Variants in ZSCAN23 observed in about 807,000 individuals in gnomAD.
The protein encoded by ZSCAN23 is zinc finger and SCAN domain-containing protein 23.
A neutral mutation model predicts 19.3 loss-of-function variants in ZSCAN23; 19 were observed. The ratio of observed to expected loss-of-function variants is 0.99; its 90% confidence interval spans 0.69 to 1.45. The LOEUF is 1.45. Ranked by LOEUF, ZSCAN23 falls within the 40% of genes most tolerant of loss-of-function variation. The pLI is 0.00. For synonymous variants in ZSCAN23, 140 were observed against 166.2 expected, an observed-to-expected ratio of 0.84 and a Z score of 1.21; for missense variants, 372 against 462.5, an observed-to-expected ratio of 0.80 and a Z score of 1.79.
At chr6:28,421,431 G>A in the ZSCAN23 span, among the ~76,000 whole-genome samples, 1 of 152,116 alleles carries the variant, frequency 6.6e-6, no homozygotes, top group Non-Finnish European at 1.5e-5. Flanking sequence ...TTTATTAAAT[G>A]AAGAAAGAAG....
chr6:28,439,161 G>A (rs912366117), intron 1 of ZSCAN23, among the ~76,000 whole-genome samples: 3 of 151,400 alleles, frequency 2.0e-5, no homozygotes, highest in African/African-American at 7.3e-5. Flanking sequence ...GCAACAGCAC[G>A]ATCTCAGCTC....
chr6:28,426,561 A>T, the ZSCAN23 span, among the ~76,000 whole-genome samples: 1 of 152,214 alleles, frequency 6.6e-6, no homozygotes, highest in African/African-American at 2.4e-5. Flanking sequence ...AGATCACCAT[A>T]ATAGATATAA....
intron 1 of ZSCAN23, among the ~76,000 whole-genome samples, chr6:28,443,048 G>C (rs1345606066): frequency 1.3e-5 from 2 of 152,166 alleles, no homozygotes; most frequent in African/African-American, 2.4e-5. Context: ...TTTAAAATAA[G>C]TCCACAGTAG....
rs1228039789 is a variant in ZSCAN23, at chr6:28,433,362, C to G, written c.*1103G>C. The G allele has an allele frequency of 6.6e-6, 1 of 152,034 alleles. No individual in the cohort carries two copies. Among genetic ancestry groups the G allele is most frequent in the Non-Finnish European group, 1.5e-5 (1 of 67,972 alleles). 9.4% of individuals were successfully genotyped at this position (152,034 alleles called of 1,614,324 possible). On this transcript the variant is annotated 3_prime_UTR_variant, in exon 4 of 4. Transcript: ENST00000289788. ...TTCCCAGAACTTCCTTTTCTCTTAT[C>G]TGTCAAATAAGAGCAAGCAGAAGTG... is the stretch of plus-strand genomic sequence containing the variant.
At position 28,436,358 on chromosome 6, in the gene ZSCAN23, A is replaced by C. The variant is rs973271509; in HGVS notation, c.-77-15T>G. The stretch of plus-strand genomic sequence containing the variant: ...AACCCCGAGATCTAGACAATAATTT[A>C]CGAAGAAAAAAATATAAAAATGCAG... On this transcript the variant is annotated splice_polypyrimidine_tract_variant and intron_variant, in intron 1 of 3. Coordinates refer to ENST00000289788, the MANE Select transcript of ZSCAN23 (RefSeq NM_001012455.2). The C allele has an allele frequency of 7.6e-7, 1 of 1,314,094 alleles. No individual in the cohort carries two copies. The highest frequency in any genetic ancestry group is 1.5e-5 in the African/African-American group (1 of 67,308). 81.4% of individuals were successfully genotyped at this position (1,314,094 alleles called of 1,614,324 possible). A position where few individuals can be genotyped will look rare whatever the true frequency, so the allele number is the denominator to read the frequency against.
At chr6:28,430,021 C>A (rs759199150), downstream of ZSCAN23, among the ~76,000 whole-genome samples, 11 of 126,656 alleles carry the variant, frequency 8.7e-5, no homozygotes, top group Non-Finnish European at 1.5e-4. Context: ...CCTTTGTGAG[C>A]GCAGAAGCCG....
chr6:28,438,619 T>C lies in ZSCAN23; in HGVS notation c.-77-2276A>G, dbSNP rs79532674. On this transcript the variant is annotated intron_variant, in intron 1 of 3. Coordinates refer to ENST00000289788, the MANE Select transcript of ZSCAN23 (RefSeq NM_001012455.2). ...GGAAGCAAACATGTCCTTCTTCACA[T>C]GCAGCAGCAGGAGAAGTGCCGAGCA... is the stretch of plus-strand genomic sequence containing the variant. Among the ~76,000 whole-genome samples, 3 of 152,126 alleles carry C rather than the reference T, an allele frequency of 2.0e-5. No individual in the cohort carries two copies. In the East Asian group the frequency reaches 5.8e-4, roughly 29 times the overall value.
In ZSCAN23 at chr6:28,433,584, G is replaced by A. The variant is rs1761805280; in HGVS notation, c.*881C>T. ...AAATTTTTTTATTTATGATCTTGGT[G>A]GTAATCAATAGTAAATGCTGAGAAA... On this transcript the variant is annotated 3_prime_UTR_variant, in exon 4 of 4. Coordinates refer to ENST00000289788, the MANE Select transcript of ZSCAN23 (RefSeq NM_001012455.2). 1 of 113,940 alleles carries A rather than the reference G, an allele frequency of 8.8e-6. No homozygotes were observed. Among genetic ancestry groups the A allele is most frequent in the Admixed American group, 1.0e-4 (1 of 9,980 alleles). 7.1% of individuals were successfully genotyped at this position (113,940 alleles called of 1,614,324 possible). A position where few individuals can be genotyped will look rare whatever the true frequency, so the allele number is the denominator to read the frequency against.
the ZSCAN23 span, among the ~76,000 whole-genome samples, chr6:28,425,684 C>G: frequency 6.6e-6 from 1 of 152,172 alleles, no homozygotes; most frequent in Non-Finnish European, 1.5e-5. Flanking sequence ...CTTCAAGTCA[C>G]CAGCTCCATT....
downstream of ZSCAN23, among the ~76,000 whole-genome samples, chr6:28,430,078 G>A (rs1341998193): frequency 6.6e-6 from 1 of 152,216 alleles, no homozygotes; most frequent in Non-Finnish European, 1.5e-5. Flanking sequence ...CTTGTGTCCA[G>A]CAGCCACTCA....
chr6:28,436,032 G>C lies in ZSCAN23; in HGVS notation c.235C>G (p.Pro79Ala), dbSNP rs1203155570. 6.2e-7 allele frequency: 1 copy of C among 1,614,148 alleles called. No individual in the cohort carries two copies. Among genetic ancestry groups the C allele is most frequent in the Non-Finnish European group, 8.5e-7 (1 of 1,180,030 alleles). The stretch of plus-strand genomic sequence containing the variant: ...ATCTGCTCCTTGGTGTGCATCTCTG[G>C]TCTCAGCCACTGATGGCAGAGCTCC... ...LQELCHQWLR[P>A]EMHTKEQILE... is the part of the protein sequence containing the mutation. The change falls in exon 2 of 4, where the codon CCA becomes GCA. Residue 79 changes from proline to alanine, a missense_variant. Pro to Ala is a conservative substitution (Grantham distance 27). Coordinates refer to ENST00000289788, the MANE Select transcript of ZSCAN23 (RefSeq NM_001012455.2).
intron 1 of ZSCAN23, among the ~76,000 whole-genome samples, chr6:28,438,116 A>G (rs148289884): frequency 1.4e-5 from 1 of 72,162 alleles, no homozygotes; most frequent in African/African-American, 6.6e-5. Context: ...TGTTTTTTTG[A>G]GAAGGAGTCT....
chr6:28,434,138 A>T lies in ZSCAN23; in HGVS notation c.*327T>A. ...CTGCATTTGAGATTATTTTGTACTC[A>T]GCCTACATATAACTATTTTAAACTT... On this transcript the variant is annotated 3_prime_UTR_variant, in exon 4 of 4. Transcript: ENST00000289788. The T allele has an allele frequency of 5.1e-6, 1 of 194,386 alleles. No homozygotes were observed. The highest frequency in any genetic ancestry group is 1.0e-5 in the Non-Finnish European group (1 of 95,396). 12.0% of individuals were successfully genotyped at this position (194,386 alleles called of 1,614,324 possible).
chr6:28,426,835 G>C, the ZSCAN23 span, among the ~76,000 whole-genome samples: 1 of 152,224 alleles, frequency 6.6e-6, no homozygotes, highest in Non-Finnish European at 1.5e-5. Flanking sequence ...TTGAGACAGA[G>C]TTTTTTCTCT....
At chr6:28,437,129 T>C (rs535221531) in intron 1 of ZSCAN23, among the ~76,000 whole-genome samples, 1 of 152,346 alleles carries the variant, frequency 6.6e-6, no homozygotes, top group African/African-American at 2.4e-5. Context: ...TCCTAGTGGT[T>C]TAAGGCTAAG....
At chr6:28,425,519 G>A in the ZSCAN23 span, among the ~76,000 whole-genome samples, 1 of 152,110 alleles carries the variant, frequency 6.6e-6, no homozygotes, top group African/African-American at 2.4e-5. Context: ...TGTAGAGACA[G>A]GGTTTTTCCA....
chr6:28,432,296 A>G (rs1761775755), downstream of ZSCAN23, among the ~76,000 whole-genome samples: 1 of 152,224 alleles, frequency 6.6e-6, no homozygotes, highest in Non-Finnish European at 1.5e-5. Flanking sequence ...TTCAAAATCG[A>G]GTCTACTATA....
In ZSCAN23 at chr6:28,438,328, C is replaced by T. The variant is rs188505371; in HGVS notation, c.-77-1985G>A. On this transcript the variant is annotated intron_variant, in intron 1 of 3. Coordinates refer to ENST00000289788, the MANE Select transcript of ZSCAN23 (RefSeq NM_001012455.2). ...GCCAGGCTGGTCTCGAACTCCTGACCGCAGATGATCCACCCGCCTTGGCCT... is the reference window on the plus strand; with the variant it reads ...GCCAGGCTGGTCTCGAACTCCTGACTGCAGATGATCCACCCGCCTTGGCCT... Among the ~76,000 whole-genome samples, 37 of 152,208 alleles carry T rather than the reference C, an allele frequency of 2.4e-4. 1 individual carries two copies. In the East Asian group the frequency reaches 4.8e-3, roughly 20 times the overall value.
chr6:28,433,341 C>T lies in ZSCAN23; in HGVS notation c.*1124G>A, dbSNP rs1378199795. 3.3e-5 allele frequency: 5 copies of T among 152,026 alleles called. No individual in the cohort carries two copies. Among genetic ancestry groups the T allele is most frequent in the African/African-American group, 9.7e-5 (4 of 41,390 alleles). 9.4% of individuals were successfully genotyped at this position (152,026 alleles called of 1,614,324 possible). On this transcript the variant is annotated 3_prime_UTR_variant, in exon 4 of 4. Coordinates refer to ENST00000289788, the MANE Select transcript of ZSCAN23 (RefSeq NM_001012455.2). The stretch of plus-strand genomic sequence containing the variant: ...TGGCTGTATGATCTTAGTTACTTCC[C>T]AGAACTTCCTTTTCTCTTATCTGTC...
Sources: gnomAD v4.1 joint callset for allele counts (sites outside exome capture counted in the v4.1 genomes callset) on GRCh38, gnomAD v4.1.1 for gene constraint, MANE v1.5 for transcripts, NCBI Gene and HGNC (gene_info 2026-07-23, HGNC 2026-07-21) for gene names.